The following AAMDC variants were observed in gnomAD, a reference collection of about 807,000 sequenced individuals.
AAMDC encodes adipogenesis associated Mth938 domain containing.
In AAMDC, 16 loss-of-function variants were observed where a neutral mutation model predicts 15.5. That is an observed-to-expected ratio of 1.03 (90% confidence interval 0.70 to 1.57). AAMDC has a LOEUF of 1.57. Ranked by LOEUF, AAMDC falls within the 40% of genes most tolerant of loss-of-function variation. The pLI is 0.00. For synonymous variants in AAMDC, 51 were observed against 51.6 expected (o/e 0.99, Z 0.05); for missense variants, 141 against 144.9 (o/e 0.97, Z 0.14).
downstream of AAMDC, chr11:77,901,437 C>A: frequency 6.2e-7 from 1 of 1,613,922 alleles, no homozygotes; most frequent in Non-Finnish European, 8.5e-7. Context: ...GTAGTTCGTG[C>A]TGTTACTATA....
chr11:77,879,753 C>T (rs959260841), intron 5 of AAMDC, among the ~76,000 whole-genome samples: 1 of 152,162 alleles, frequency 6.6e-6, no homozygotes, highest in Non-Finnish European at 1.5e-5. Flanking sequence ...AAGTTGCCTG[C>T]TGTTTGGTTG....
chr11:77,869,649 A>G (rs960377743), intron 2 of AAMDC, 73 bp from the exon 3 acceptor site: 23 of 1,394,330 alleles, frequency 1.6e-5, no homozygotes, highest in Non-Finnish European at 2.3e-5. Flanking sequence ...TGAATGAATG[A>G]ATCCCACAAG....
At chr11:77,879,220 G>T in intron 5 of AAMDC, 1 of 1,384,946 alleles carries the variant, frequency 7.2e-7, no homozygotes, top group Non-Finnish European at 9.9e-7. Flanking sequence ...AATGGAAGCA[G>T]TAGGGAGAAA....
intron 2 of AAMDC, among the ~76,000 whole-genome samples, chr11:77,848,257 G>T (rs1950224552): frequency 6.6e-6 from 1 of 152,148 alleles, no homozygotes; most frequent in Admixed American, 6.5e-5. Flanking sequence ...AAACTTACAT[G>T]GCTTCCACAC....
chr11:77,898,096 A>T (rs577037832), intron 5 of AAMDC, among the ~76,000 whole-genome samples: 1 of 152,264 alleles, frequency 6.6e-6, no homozygotes, highest in South Asian at 2.1e-4. Context: ...GATTACAGGC[A>T]TGAGCCACTG....
chr11:77,905,082 A>G (rs569134217), downstream of AAMDC, among the ~76,000 whole-genome samples: 5 of 152,276 alleles, frequency 3.3e-5, no homozygotes, highest in African/African-American at 9.6e-5. Context: ...TATAAATCTG[A>G]GTGTACTAAG....
chr11:77,854,817 CA>C (rs1487415545), intron 2 of AAMDC, among the ~76,000 whole-genome samples: 5 of 152,190 alleles, frequency 3.3e-5, no homozygotes, highest in African/African-American at 7.2e-5. Context: ...GTAGGGGCTC[CA>C]ACCCCACATT....
At chr11:77,857,137 C>A (rs530625732) in intron 2 of AAMDC, among the ~76,000 whole-genome samples, 2 of 152,156 alleles carry the variant, frequency 1.3e-5, no homozygotes, top group African/African-American at 4.8e-5. Flanking sequence ...ACCTTTTCTG[C>A]CTTCAAGAAG....
chr11:77,888,761 A>G (rs904752248), intron 5 of AAMDC, among the ~76,000 whole-genome samples: 55 of 152,330 alleles, frequency 3.6e-4, no homozygotes, highest in African/African-American at 1.3e-3. Context: ...AAAAGTGGGC[A>G]AAGGATATGA....
At chr11:77,898,944 C>T (rs1372174697) in intron 5 of AAMDC, among the ~76,000 whole-genome samples, 7 of 152,094 alleles carry the variant, frequency 4.6e-5, no homozygotes, top group Non-Finnish European at 7.4e-5. Flanking sequence ...TGCTTGGACC[C>T]GGGAACCAGA....
At chr11:77,833,811 A>G (rs1433129780) in intron 1 of AAMDC, among the ~76,000 whole-genome samples, 1 of 152,216 alleles carries the variant, frequency 6.6e-6, no homozygotes, top group African/African-American at 2.4e-5. Context: ...CTATCATTCC[A>G]TCTAGATTTT....
At chr11:77,848,061 A>C (rs1484643455) in intron 2 of AAMDC, among the ~76,000 whole-genome samples, 2 of 152,332 alleles carry the variant, frequency 1.3e-5, no homozygotes, top group East Asian at 3.9e-4. Context: ...TACCGAGTCC[A>C]CCAATTTAAA....
At position 77,842,456 on chromosome 11, in the gene AAMDC, G is replaced by A. The variant is rs112105680; in HGVS notation, c.-18-23G>A. 133 of 1,604,732 alleles carry A rather than the reference G, an allele frequency of 8.3e-5. 1 individual carries two copies. In the African/African-American group the frequency reaches 1.4e-3, roughly 16 times the overall value. The stretch of plus-strand genomic sequence containing the variant: ...TCAGCCTTACTTTATAACTGATTTA[G>A]TATATTTTTCTTTTAATTTCAGACT... On this transcript the variant is annotated intron_variant, in intron 1 of 3. Coordinates refer to ENST00000393427, the MANE Select transcript of AAMDC (RefSeq NM_024684.4).
downstream of AAMDC, among the ~76,000 whole-genome samples, chr11:77,876,295 T>C (rs1424490426): frequency 6.6e-6 from 1 of 152,122 alleles, no homozygotes; most frequent in Non-Finnish European, 1.5e-5. Flanking sequence ...GTTCCAGGCT[T>C]AGCTTCACCA....
downstream of AAMDC, among the ~76,000 whole-genome samples, chr11:77,876,552 A>G (rs1278639295): frequency 6.6e-6 from 1 of 152,172 alleles, no homozygotes; most frequent in Non-Finnish European, 1.5e-5. Context: ...GCTTAGCAAC[A>G]AATTTGTCAG....
At chr11:77,891,753 A>G in intron 5 of AAMDC, 1 of 1,612,030 alleles carries the variant, frequency 6.2e-7, no homozygotes. Flanking sequence ...CCACTTCTGC[A>G]GGTTTGGATG....
At chr11:77,892,548 G>A (rs1034737023) in intron 5 of AAMDC, among the ~76,000 whole-genome samples, 10 of 152,126 alleles carry the variant, frequency 6.6e-5, no homozygotes, top group Non-Finnish European at 1.0e-4. Context: ...GCAAAAGTAA[G>A]GCATGAACTT....
At chr11:77,881,639 T>G (rs1951795474) in intron 5 of AAMDC, among the ~76,000 whole-genome samples, 1 of 152,200 alleles carries the variant, frequency 6.6e-6, no homozygotes, top group Non-Finnish European at 1.5e-5. Flanking sequence ...TTTAAAACCT[T>G]GTATTCAATT....
chr11:77,857,519 T>C (rs779726523), intron 2 of AAMDC, among the ~76,000 whole-genome samples: 1 of 152,184 alleles, frequency 6.6e-6, no homozygotes, highest in Non-Finnish European at 1.5e-5. Flanking sequence ...TGAGGCTAGA[T>C]TGATATTTAA....
Sources: allele counts gnomAD v4.1 joint callset (sites outside exome capture counted in the v4.1 genomes callset), GRCh38; gene constraint gnomAD v4.1.1; transcripts MANE v1.5; gene names NCBI Gene and HGNC (gene_info 2026-07-23, HGNC 2026-07-21).